The following PIK3C2G variants were observed in gnomAD, a reference collection of about 807,000 sequenced individuals.
The protein encoded by PIK3C2G is phosphatidylinositol 3-kinase C2 domain-containing subunit gamma.
Under a neutral mutation model 181.1 loss-of-function variants are expected in PIK3C2G, and 168 were observed. The ratio of observed to expected loss-of-function variants is 0.93; its 90% CI spans 0.82 to 1.05. The LOEUF (loss-of-function observed/expected upper bound fraction) is 1.05, where lower values mean the gene tolerates loss of function less well. Ranked by LOEUF, PIK3C2G falls within the 50% of genes least tolerant of loss-of-function variation. PIK3C2G has a pLI of 0.00. For synonymous variants in PIK3C2G, 573 were observed against 592.2 expected (o/e 0.97, Z 0.47); for missense variants, 1,869 against 1,732.8 (o/e 1.08, Z -1.40).
chr12:18,534,946 A>G (rs1028963015), intron 24 of PIK3C2G, among the ~76,000 whole-genome samples: 2 of 152,092 alleles, frequency 1.3e-5, no homozygotes, highest in African/African-American at 4.8e-5. Context: ...AGAAATATCT[A>G]TAGTTTATTT....
upstream of PIK3C2G, among the ~76,000 whole-genome samples, chr12:18,259,435 C>G (rs1372478356): frequency 6.6e-6 from 1 of 151,986 alleles, no homozygotes; most frequent in East Asian, 1.9e-4. Flanking sequence ...AAAAATCTTT[C>G]CCAGGTTTCG....
At chr12:18,559,823 G>T (rs374536237) in intron 26 of PIK3C2G, among the ~76,000 whole-genome samples, 360 of 27,804 alleles carry the variant, frequency 0.013, no homozygotes, top group East Asian at 0.028. Flanking sequence ...TATATATATA[G>T]AGAGAGAGAG....
chr12:18,689,124 T>G, the PIK3C2G span, among the ~76,000 whole-genome samples: 1 of 152,108 alleles, frequency 6.6e-6, no homozygotes, highest in Admixed American at 6.6e-5. Flanking sequence ...GGCATCAGCA[T>G]AATTAGACAT....
intron 26 of PIK3C2G, among the ~76,000 whole-genome samples, chr12:18,548,736 T>C (rs1176507448): frequency 1.3e-5 from 2 of 152,034 alleles, no homozygotes; most frequent in African/African-American, 4.8e-5. Flanking sequence ...GACTTTGGAA[T>C]AAAGAACTTG....
At chr12:18,460,348 C>T (rs1263753669) in intron 18 of PIK3C2G, among the ~76,000 whole-genome samples, 2 of 151,788 alleles carry the variant, frequency 1.3e-5, no homozygotes, top group African/African-American at 4.8e-5. Flanking sequence ...CCAAGGAGGA[C>T]GGATCACGAG....
chr12:18,561,314 A>G (rs1399530267), intron 26 of PIK3C2G, among the ~76,000 whole-genome samples: 1 of 152,196 alleles, frequency 6.6e-6, no homozygotes, highest in Non-Finnish European at 1.5e-5. Context: ...AGGTCAATAA[A>G]AAAATGGAGG....
intron 18 of PIK3C2G, among the ~76,000 whole-genome samples, chr12:18,429,420 A>G (rs1302694184): frequency 6.6e-6 from 1 of 152,146 alleles, no homozygotes; most frequent in Admixed American, 6.5e-5. Context: ...AGACTTTATG[A>G]AGGCTCTGAG....
chr12:18,671,903 T>C, the PIK3C2G span, among the ~76,000 whole-genome samples: 2 of 152,234 alleles, frequency 1.3e-5, no homozygotes, highest in African/African-American at 4.8e-5. Context: ...ATCTCCCATA[T>C]ATAGCACCTT....
At chr12:18,438,012 A>C (rs1946539833) in intron 18 of PIK3C2G, among the ~76,000 whole-genome samples, 1 of 151,962 alleles carries the variant, frequency 6.6e-6, no homozygotes, top group Non-Finnish European at 1.5e-5. Flanking sequence ...AATATAAACA[A>C]GTTATAATAA....
At chr12:18,268,995 T>C (rs1948630278) in intron 1 of PIK3C2G, among the ~76,000 whole-genome samples, 1 of 151,932 alleles carries the variant, frequency 6.6e-6, no homozygotes, top group Admixed American at 6.6e-5. Context: ...TGCTCCAACC[T>C]CCACCTCCTG....
intron 8 of PIK3C2G, among the ~76,000 whole-genome samples, chr12:18,325,504 C>G (rs1238560032): frequency 1.3e-5 from 2 of 151,720 alleles, no homozygotes; most frequent in African/African-American, 4.8e-5. Context: ...GTCAAGAGAT[C>G]GAGACCATCC....
the PIK3C2G span, among the ~76,000 whole-genome samples, chr12:18,670,572 T>C: frequency 6.6e-6 from 1 of 152,194 alleles, no homozygotes; most frequent in African/African-American, 2.4e-5. Context: ...GAGGGTTAAC[T>C]TCCTTTCTGC....
At chr12:18,509,034 T>C (rs1271303895) in intron 24 of PIK3C2G, among the ~76,000 whole-genome samples, 1 of 152,054 alleles carries the variant, frequency 6.6e-6, no homozygotes, top group Middle Eastern at 3.2e-3. Flanking sequence ...TTATTATTAT[T>C]ATTATTGCTT....
chr12:18,551,099 G>A (rs1001352096), intron 26 of PIK3C2G, among the ~76,000 whole-genome samples: 5 of 152,020 alleles, frequency 3.3e-5, no homozygotes, highest in African/African-American at 1.2e-4. Context: ...GAGGGAAAAT[G>A]GAAAGTAAAA....
At chr12:18,250,435 A>C (rs1326055516) in intron 1 of PIK3C2G, among the ~76,000 whole-genome samples, 1 of 152,116 alleles carries the variant, frequency 6.6e-6, no homozygotes, top group African/African-American at 2.4e-5. Flanking sequence ...GATTTTTCTC[A>C]TGTCCTAGTT....
At chr12:18,639,602 G>C (rs1949758561) in intron 31 of PIK3C2G, among the ~76,000 whole-genome samples, 2 of 152,046 alleles carry the variant, frequency 1.3e-5, no homozygotes, top group Admixed American at 1.3e-4. Flanking sequence ...CAAGTATGAT[G>C]GTTTCCAAAT....
chr12:18,338,592 CA>C (rs1277917589), intron 9 of PIK3C2G, 44 bp downstream of exon 9: 1 of 1,360,870 alleles, frequency 7.3e-7, no homozygotes, highest in East Asian at 2.3e-5. Flanking sequence ...AACCTGAGTT[CA>C]ATACTTAATT....
chr12:18,608,374 G>C (rs1330502329), intron 30 of PIK3C2G, among the ~76,000 whole-genome samples: 1 of 152,036 alleles, frequency 6.6e-6, no homozygotes, highest in Admixed American at 6.5e-5. Context: ...ATACTATGCA[G>C]CCATAAAAAA....
the PIK3C2G span, among the ~76,000 whole-genome samples, chr12:18,702,828 T>TTC: frequency 6.8e-6 from 1 of 148,026 alleles, no homozygotes; most frequent in East Asian, 2.0e-4. Flanking sequence ...CTTTTTTTTT[T>TTC]TTTTTTTTTT....
Sources: allele counts gnomAD v4.1 joint callset (sites outside exome capture counted in the v4.1 genomes callset), GRCh38; gene constraint gnomAD v4.1.1; transcripts MANE v1.5; gene names NCBI Gene and HGNC (gene_info 2026-07-23, HGNC 2026-07-21).